The following KCNH8 variants were observed in gnomAD, a reference collection of about 807,000 sequenced individuals.
The protein encoded by KCNH8 is voltage-gated delayed rectifier potassium channel KCNH8.
KCNH8 carries 70 observed loss-of-function variants against 103.6 expected under a neutral mutation model. That is an observed-to-expected ratio of 0.68 (90% CI 0.56 to 0.82). KCNH8 has a LOEUF of 0.82. KCNH8 is among the 40% of genes least tolerant of loss of function. The pLI is 0.00. For synonymous variants in KCNH8, 498 were observed against 489.4 expected, an observed-to-expected ratio of 1.02 and a Z score of -0.23; for missense variants, 1,217 against 1,329.9, an observed-to-expected ratio of 0.92 and a Z score of 1.32.
At chr3:19,276,648 C>A (rs1360717798) in intron 2 of KCNH8, among the ~76,000 whole-genome samples, 1 of 152,006 alleles carries the variant, frequency 6.6e-6, no homozygotes, top group African/African-American at 2.4e-5. Context: ...AAACCATGAA[C>A]CCATACTAGA....
At chr3:19,411,064 A>C (rs1302907354) in intron 7 of KCNH8, among the ~76,000 whole-genome samples, 1 of 152,070 alleles carries the variant, frequency 6.6e-6, no homozygotes, top group Non-Finnish European at 1.5e-5. Flanking sequence ...TATAATGAAA[A>C]AAATCAAACT....
intron 1 of KCNH8, among the ~76,000 whole-genome samples, chr3:19,215,840 C>A (rs142471145): frequency 6.6e-6 from 1 of 152,210 alleles, no homozygotes; most frequent in Admixed American, 6.5e-5. Context: ...TCGGCATAGC[C>A]ATGTTTTCTT....
chr3:19,335,551 T>A (rs1320628684), intron 3 of KCNH8, among the ~76,000 whole-genome samples: 1 of 149,458 alleles, frequency 6.7e-6, no homozygotes, highest in African/African-American at 2.4e-5. Context: ...TTTTCCAGAG[T>A]TGTAGATGTA....
At position 19,259,742 on chromosome 3, in the gene KCNH8, T is replaced by C. The variant is rs539725553; in HGVS notation, c.310+5855T>C. On this transcript the variant is annotated intron_variant, in intron 2 of 15. Transcript: ENST00000328405. Reference sequence around the variant, plus strand: ...ATGGATATATGGATACATACACACATATATATGTACATATATATATATATG... The same window carrying C: ...ATGGATATATGGATACATACACACACATATATGTACATATATATATATATG... Among the ~76,000 whole-genome samples, 7 of 149,810 alleles carry C rather than the reference T, an allele frequency of 4.7e-5. No homozygotes were observed. In the South Asian group the frequency reaches 1.3e-3, roughly 27 times the overall value.
chr3:19,298,658 C>T (rs1324172227), intron 3 of KCNH8, among the ~76,000 whole-genome samples: 2 of 152,104 alleles, frequency 1.3e-5, no homozygotes, highest in Non-Finnish European at 2.9e-5. Context: ...CAGAGTGGCT[C>T]ACGCCTGTAA....
intron 1 of KCNH8, among the ~76,000 whole-genome samples, chr3:19,201,258 A>G (rs930303968): frequency 7.5e-5 from 11 of 146,716 alleles, no homozygotes; most frequent in African/African-American, 1.3e-4. Flanking sequence ...AAAAAAAAAA[A>G]AAAAGAAAAG....
chr3:19,396,371 C>T (rs766732007), intron 7 of KCNH8, among the ~76,000 whole-genome samples: 1 of 152,038 alleles, frequency 6.6e-6, no homozygotes, highest in Non-Finnish European at 1.5e-5. Context: ...AAAGGCAGCA[C>T]TGGAGGAAGA....
chr3:19,239,693 CCTAT>C (rs1216378494), intron 1 of KCNH8, among the ~76,000 whole-genome samples: 51 of 149,618 alleles, frequency 3.4e-4, no homozygotes, highest in Admixed American at 6.0e-4. Context: ...TACCTACCTA[CCTAT>C]CTATCTAAGC....
intron 1 of KCNH8, among the ~76,000 whole-genome samples, chr3:19,206,557 T>C (rs965552670): frequency 6.6e-6 from 1 of 151,982 alleles, no homozygotes; most frequent in African/African-American, 2.4e-5. Context: ...GATAAGGTTT[T>C]TCAACCTTAG....
intron 11 of KCNH8, among the ~76,000 whole-genome samples, chr3:19,475,270 T>C (rs1452890971): frequency 6.6e-6 from 1 of 152,204 alleles, no homozygotes; most frequent in Non-Finnish European, 1.5e-5. Context: ...AACTGAATGA[T>C]GACTTTGTAC....
intron 8 of KCNH8, among the ~76,000 whole-genome samples, chr3:19,449,196 G>GA (rs1451326737): frequency 6.6e-6 from 1 of 151,688 alleles, no homozygotes; most frequent in African/African-American, 2.4e-5. Context: ...ATTACACTTT[G>GA]ATGGTAGGTT....
chr3:19,264,946 G>A (rs111636248), intron 2 of KCNH8, among the ~76,000 whole-genome samples: 1 of 152,052 alleles, frequency 6.6e-6, no homozygotes, highest in African/African-American at 2.4e-5. Flanking sequence ...TCATGCTCAT[G>A]CACCTGGCAA....
intron 11 of KCNH8, among the ~76,000 whole-genome samples, chr3:19,508,308 A>G (rs2068730275): frequency 6.6e-6 from 1 of 152,172 alleles, no homozygotes; most frequent in Non-Finnish European, 1.5e-5. Context: ...ACCTTAGGTA[A>G]TCAAAGGTAT....
At chr3:19,468,096 G>C (rs2067780766) in intron 11 of KCNH8, among the ~76,000 whole-genome samples, 1 of 152,028 alleles carries the variant, frequency 6.6e-6, no homozygotes, top group Admixed American at 6.6e-5. Context: ...ATATCACCTT[G>C]TTTGTCTTTT....
At chr3:19,239,665 TCTATCTATCTATCTATCTAC>T (rs1010066124) in intron 1 of KCNH8, among the ~76,000 whole-genome samples, 3 of 151,726 alleles carry the variant, frequency 2.0e-5, no homozygotes, top group Admixed American at 2.0e-4. Flanking sequence ...TATCTATCTA[TCTATCTATCTATCTATCTAC>T]CTACCTACCT....
intron 5 of KCNH8, among the ~76,000 whole-genome samples, chr3:19,380,319 T>C (rs760505891): frequency 1.3e-5 from 2 of 152,204 alleles, no homozygotes; most frequent in Non-Finnish European, 2.9e-5. Context: ...TGGCTCTAAT[T>C]GGTGACTCTT....
At chr3:19,519,598 C>T (rs921418868) in intron 15 of KCNH8, among the ~76,000 whole-genome samples, 1 of 150,902 alleles carries the variant, frequency 6.6e-6, no homozygotes, top group African/African-American at 2.4e-5. Context: ...TTTGAAAATA[C>T]TTAAATCACA....
intron 7 of KCNH8, among the ~76,000 whole-genome samples, chr3:19,401,302 C>T (rs995882720): frequency 2.6e-5 from 4 of 152,004 alleles, no homozygotes; most frequent in Non-Finnish European, 5.9e-5. Context: ...TTGTAAACAA[C>T]ACTAACCAGT....
intron 1 of KCNH8, among the ~76,000 whole-genome samples, chr3:19,186,770 C>T (rs1190028350): frequency 6.6e-6 from 1 of 151,982 alleles, no homozygotes; most frequent in South Asian, 2.1e-4. Flanking sequence ...GTTGAAATCA[C>T]TGTACAAAAG....
Sources: gnomAD v4.1 joint callset for allele counts (sites outside exome capture counted in the v4.1 genomes callset) on GRCh38, gnomAD v4.1.1 for gene constraint, MANE v1.5 for transcripts, NCBI Gene and HGNC (gene_info 2026-07-23, HGNC 2026-07-21) for gene names.